THEMIS: variants seen among roughly 807,000 people sequenced by gnomAD.
THEMIS encodes thymocyte selection associated.
In THEMIS, 37 loss-of-function variants were observed where a neutral mutation model predicts 52.6. That is an observed-to-expected ratio of 0.70 (90% CI 0.54 to 0.93). THEMIS has a LOEUF of 0.93. Ranked by LOEUF, THEMIS falls within the 40% of genes least tolerant of loss-of-function variation. The pLI is 0.00. For synonymous variants in THEMIS, 292 were observed against 272.7 expected (o/e 1.07, Z -0.70); for missense variants, 808 against 763.1 (o/e 1.06, Z -0.69).
intron 4 of THEMIS, among the ~76,000 whole-genome samples, chr6:127,749,633 T>C (rs1459850550): frequency 6.6e-6 from 1 of 151,752 alleles, no homozygotes; most frequent in Non-Finnish European, 1.5e-5. Flanking sequence ...TTTTAGAGAA[T>C]TTGTGAAAGG....
At chr6:127,881,068 A>G (rs775737225) in intron 1 of THEMIS, among the ~76,000 whole-genome samples, 1 of 152,068 alleles carries the variant, frequency 6.6e-6, no homozygotes, top group African/African-American at 2.4e-5. Context: ...CATTTCTAAA[A>G]TCCAAGTTTT....
chr6:127,840,090 C>T (rs1778996857), intron 2 of THEMIS, among the ~76,000 whole-genome samples: 1 of 152,024 alleles, frequency 6.6e-6, no homozygotes, highest in Non-Finnish European at 1.5e-5. Flanking sequence ...GATTGGCCCC[C>T]TCAAAAGTTC....
intron 4 of THEMIS, among the ~76,000 whole-genome samples, chr6:127,745,575 T>C (rs965082799): frequency 6.6e-6 from 1 of 151,850 alleles, no homozygotes; most frequent in African/African-American, 2.4e-5. Context: ...GCCCTGTGGG[T>C]GAATTTGGGG....
chr6:127,860,236 G>A (rs936597895), intron 1 of THEMIS, among the ~76,000 whole-genome samples: 1 of 152,070 alleles, frequency 6.6e-6, no homozygotes, highest in Admixed American at 6.6e-5. Flanking sequence ...AAAAATAAGT[G>A]AGCATGATAT....
chr6:127,829,873 G>T lies in THEMIS; in HGVS notation c.312C>A (p.Thr104=), dbSNP rs1227537503. The change falls in exon 3 of 6, where the codon ACC becomes ACA. Residue 104 remains threonine (T), a synonymous_variant. Transcript: ENST00000368248. ...PYLTMEEITR[T]IHIGPSRLGH... ...CTAGTCTACTTGGTCCAATATGAAT[G>T]GTCCTTGTGATTTCTTCCATAGTAA... 3.1e-6 allele frequency: 5 copies of T among 1,613,754 alleles called. No individual in the cohort carries two copies. The highest frequency in any genetic ancestry group is 4.2e-6 in the Non-Finnish European group (5 of 1,179,964).
At chr6:127,883,876 C>T (rs76078798) in intron 1 of THEMIS, among the ~76,000 whole-genome samples, 2,665 of 152,074 alleles carry the variant, frequency 0.018, 82 homozygotes, top group African/African-American at 0.06. Context: ...TTTCAGTTTA[C>T]AGTTACAGGA....
intron 4 of THEMIS, among the ~76,000 whole-genome samples, chr6:127,767,200 T>A (rs1776229770): frequency 6.6e-6 from 1 of 152,046 alleles, no homozygotes; most frequent in South Asian, 2.1e-4. Flanking sequence ...CAAGTGATTC[T>A]CCTGCCTCAA....
downstream of THEMIS, among the ~76,000 whole-genome samples, chr6:127,706,898 T>C (rs1773814545): frequency 6.6e-6 from 1 of 152,046 alleles, no homozygotes; most frequent in Admixed American, 6.6e-5. Context: ...AATAATGGTG[T>C]ATTAGTCCAT....
chr6:127,721,421 C>T (rs977684575), intron 4 of THEMIS, among the ~76,000 whole-genome samples: 11 of 152,040 alleles, frequency 7.2e-5, no homozygotes, highest in African/African-American at 2.7e-4. Context: ...TATAACATGA[C>T]ATTCTCTCAG....
chr6:127,849,357 C>T (rs559132692), intron 2 of THEMIS, among the ~76,000 whole-genome samples: 328 of 151,950 alleles, frequency 2.2e-3, no homozygotes, highest in Non-Finnish European at 3.4e-3. Flanking sequence ...AGTCAGGTAG[C>T]GTGATGCCTC....
chr6:127,837,623 C>CATATAT (rs1044494461), intron 2 of THEMIS, among the ~76,000 whole-genome samples: 1 of 150,998 alleles, frequency 6.6e-6, no homozygotes, highest in Non-Finnish European at 1.5e-5. Flanking sequence ...TATATGTATG[C>CATATAT]ATATATATAT....
chr6:127,795,460 C>A (rs1404974582), intron 4 of THEMIS, among the ~76,000 whole-genome samples: 1 of 152,130 alleles, frequency 6.6e-6, no homozygotes, highest in Non-Finnish European at 1.5e-5. Flanking sequence ...TCCTGAGTCG[C>A]TGAGACTACA....
chr6:127,743,581 C>A (rs932703664), intron 4 of THEMIS, among the ~76,000 whole-genome samples: 1 of 151,996 alleles, frequency 6.6e-6, no homozygotes, highest in Admixed American at 6.6e-5. Context: ...GAAAAATGTA[C>A]AAGTGGTTTT....
chr6:127,721,994 T>C (rs1005911140), intron 4 of THEMIS, among the ~76,000 whole-genome samples: 36 of 152,070 alleles, frequency 2.4e-4, no homozygotes, highest in African/African-American at 8.7e-4. Flanking sequence ...TGAGTTTATT[T>C]ACTCATAAAA....
intron 4 of THEMIS, among the ~76,000 whole-genome samples, chr6:127,737,473 G>GT (rs1284328466): frequency 6.6e-6 from 1 of 152,146 alleles, no homozygotes; most frequent in Non-Finnish European, 1.5e-5. Flanking sequence ...GCAGAGCCAA[G>GT]TAAGTATTCA....
chr6:127,812,690 C>T (rs1396774326), intron 4 of THEMIS, among the ~76,000 whole-genome samples, 193 bp downstream of exon 4: 2 of 152,196 alleles, frequency 1.3e-5, no homozygotes, highest in African/African-American at 4.8e-5. Flanking sequence ...AAACTTCATG[C>T]CACATCAAAA....
chr6:127,819,610 A>C (rs1489208816), intron 3 of THEMIS, among the ~76,000 whole-genome samples: 1 of 152,212 alleles, frequency 6.6e-6, no homozygotes, highest in African/African-American at 2.4e-5. Flanking sequence ...GAAACCATGC[A>C]AGCAAGAAGA....
At chr6:127,717,129 A>T (rs1323853133) in intron 5 of THEMIS, among the ~76,000 whole-genome samples, 1 of 151,924 alleles carries the variant, frequency 6.6e-6, no homozygotes, top group African/African-American at 2.4e-5. Flanking sequence ...GTAGTTAATT[A>T]TTATAGCCTG....
chr6:127,771,515 A>G (rs1776383751), intron 4 of THEMIS, among the ~76,000 whole-genome samples: 1 of 152,194 alleles, frequency 6.6e-6, no homozygotes, highest in Non-Finnish European at 1.5e-5. Flanking sequence ...GTCAAACTAT[A>G]CTACAAGGCT....
Sources: gnomAD v4.1 joint callset for allele counts (sites outside exome capture counted in the v4.1 genomes callset) on GRCh38, gnomAD v4.1.1 for gene constraint, MANE v1.5 for transcripts, NCBI Gene and HGNC (gene_info 2026-07-23, HGNC 2026-07-21) for gene names.